The following PYGB variants were observed in gnomAD, a reference collection of about 807,000 sequenced individuals.
The protein encoded by PYGB is glycogen phosphorylase, brain form.
A neutral mutation model predicts 94.3 loss-of-function variants in PYGB; 82 were observed. That is an observed-to-expected ratio of 0.87 (90% confidence interval 0.73 to 1.04). The LOEUF is 1.04. Among genes scored for constraint, PYGB ranks in the 50% least tolerant of loss-of-function variants. The pLI is 0.00. For missense variants in PYGB, 1,132 were observed against 1,158.2 expected (o/e 0.98, Z 0.33); for synonymous variants, 488 against 479.1 (o/e 1.02, Z -0.24).
At chr20:25,283,410 C>G (rs2123579899) in intron 13 of PYGB, 133 bp downstream of exon 13, 1 of 748,036 alleles carries the variant, frequency 1.3e-6, no homozygotes, top group East Asian at 2.7e-5. Context: ...GGACTCAGAA[C>G]AGGACTGAGG....
At chr20:25,280,132 GC>G (rs2088352277) in intron 9 of PYGB, 133 bp from the exon 10 acceptor site, 10 of 1,078,038 alleles carry the variant, frequency 9.3e-6, no homozygotes, top group Middle Eastern at 2.6e-4. Flanking sequence ...ACCTTGGAGA[GC>G]AGAGGGGACG....
Position 25,296,470 on chromosome 20 carries a change from G to T in PYGB, c.2480G>T (p.Gly827Val), listed in dbSNP as rs998451520. ...ACGGAGTATGCACGGGAGATCTGGG[G>T]TGTGGAGCCCTCCGACCTGCAGATC... is the stretch of plus-strand genomic sequence containing the variant. Reference protein sequence around the residue: ...TITEYAREIWGVEPSDLQIPP... With the variant: ...TITEYAREIWVVEPSDLQIPP... The change falls in exon 20 of 20, where the codon GGT becomes GTT. Residue 827 changes from glycine (G) to valine (V), a missense_variant. Gly to Val is a moderately radical substitution (Grantham distance 109). Transcript: ENST00000216962. 6.2e-7 allele frequency: 1 copy of T among 1,613,834 alleles called. No homozygotes were observed. The highest frequency in any genetic ancestry group is 1.3e-5 in the African/African-American group (1 of 74,936).
intron 12 of PYGB, 39 bp downstream of exon 12, chr20:25,282,186 G>A: frequency 6.6e-7 from 1 of 1,524,828 alleles, no homozygotes; most frequent in Non-Finnish European, 9.0e-7. Flanking sequence ...GGAGATGCCT[G>A]GGCTGAGAAC....
chr20:25,290,375 C>T (rs992472197), intron 15 of PYGB, 106 bp from the exon 16 acceptor site: 20 of 1,425,340 alleles, frequency 1.4e-5, no homozygotes, highest in Non-Finnish European at 1.8e-5. Context: ...ACGGCAGGTT[C>T]CTGTGGCTCT....
chr20:25,250,958 G>C (rs988116794), intron 1 of PYGB: 1 of 152,088 alleles, frequency 6.6e-6, no homozygotes, highest in Non-Finnish European at 1.5e-5. Context: ...TGTTTTTTCC[G>C]TATTGGCAGA....
chr20:25,266,530 G>C (rs537969550), intron 2 of PYGB, among the ~76,000 whole-genome samples: 1 of 152,024 alleles, frequency 6.6e-6, no homozygotes, highest in South Asian at 2.1e-4. Flanking sequence ...AGCAACGAAA[G>C]AAAAAATAGA....
At chr20:25,250,885 A>G (rs1485538116) in intron 1 of PYGB, 1 of 152,206 alleles carries the variant, frequency 6.6e-6, no homozygotes, top group Non-Finnish European at 1.5e-5. Context: ...AAAAAAATTA[A>G]CTGTAATCCT....
intron 2 of PYGB, among the ~76,000 whole-genome samples, chr20:25,265,592 ATTTTTT>A (rs34336965): frequency 1.8e-4 from 21 of 119,640 alleles, no homozygotes; most frequent in African/African-American, 6.6e-4. Context: ...TTGTTGTTGA[ATTTTTT>A]TTTTTTTTTT....
rs1232136679 is a variant in PYGB, at chr20:25,297,612, T to C, written c.*1090T>C. On this transcript the variant is annotated 3_prime_UTR_variant, in exon 20 of 20. Coordinates refer to ENST00000216962, the MANE Select transcript of PYGB (RefSeq NM_002862.4). The stretch of plus-strand genomic sequence containing the variant: ...AGGTGGGGGTGAGCCCCTCACAGCC[T>C]TGCCCCTCCCCAAGGCTGGCAACCT... 4 of 152,360 alleles carry C rather than the reference T, an allele frequency of 2.6e-5. No individual in the cohort carries two copies. 9.4% of individuals were successfully genotyped at this position (152,360 alleles called of 1,614,324 possible). A position where few individuals can be genotyped will look rare whatever the true frequency, so the allele number is the denominator to read the frequency against.
At chr20:25,273,850 T>G (rs1448526988) in intron 4 of PYGB, among the ~76,000 whole-genome samples, 1 of 152,172 alleles carries the variant, frequency 6.6e-6, no homozygotes, top group Admixed American at 6.5e-5. Flanking sequence ...TAATTTTAAT[T>G]TAATAATTTT....
chr20:25,250,222 C>T (rs891333056), intron 1 of PYGB, among the ~76,000 whole-genome samples: 1 of 151,492 alleles, frequency 6.6e-6, no homozygotes, highest in Non-Finnish European at 1.5e-5. Context: ...AGGGCATTTC[C>T]TTGGAGCTGG....
chr20:25,294,529 C>T (rs1244256634), intron 18 of PYGB, among the ~76,000 whole-genome samples: 1 of 152,236 alleles, frequency 6.6e-6, no homozygotes, highest in Non-Finnish European at 1.5e-5. Context: ...ACAGTCCAGC[C>T]CCCAGGCCTT....
chr20:25,253,064 C>A (rs8120601), intron 1 of PYGB, among the ~76,000 whole-genome samples: 1 of 152,218 alleles, frequency 6.6e-6, no homozygotes, highest in Non-Finnish European at 1.5e-5. Context: ...TAGGAAATTA[C>A]AAGGGTGTTA....
intron 6 of PYGB, among the ~76,000 whole-genome samples, chr20:25,276,965 C>T (rs373437860): frequency 1.1e-4 from 16 of 152,200 alleles, no homozygotes; most frequent in African/African-American, 2.9e-4. Context: ...ACAGGCAGAG[C>T]GACCAAGACA....
chr20:25,276,911 C>T (rs1198146577), intron 6 of PYGB, among the ~76,000 whole-genome samples, 154 bp downstream of exon 6: 1 of 152,082 alleles, frequency 6.6e-6, no homozygotes, highest in African/African-American at 2.4e-5. Context: ...AAGAGCGAGG[C>T]TGGTGCAGCT....
chr20:25,253,623 T>TAAAATAAAATA (rs1568681767), intron 1 of PYGB, among the ~76,000 whole-genome samples: 10 of 146,212 alleles, frequency 6.8e-5, no homozygotes, highest in African/African-American at 2.6e-4. Context: ...CAACTCTGCC[T>TAAAATAAAATA]AAATAAAATA....
At chr20:25,259,820 T>A (rs2092909760) in intron 2 of PYGB, among the ~76,000 whole-genome samples, 1 of 152,228 alleles carries the variant, frequency 6.6e-6, no homozygotes, top group Non-Finnish European at 1.5e-5. Context: ...TAGCACTTGT[T>A]CACTTTGAAC....
chr20:25,267,947 A>G (rs2088231889), intron 2 of PYGB, among the ~76,000 whole-genome samples: 1 of 152,224 alleles, frequency 6.6e-6, no homozygotes. Context: ...ATCTTTGATT[A>G]TGTTGACTCG....
intron 4 of PYGB, among the ~76,000 whole-genome samples, chr20:25,273,477 G>A (rs2088284297): frequency 6.6e-6 from 1 of 152,192 alleles, no homozygotes; most frequent in Non-Finnish European, 1.5e-5. Flanking sequence ...TAGCATACTA[G>A]GGCTGCCTGT....
Sources: allele counts gnomAD v4.1 joint callset (sites outside exome capture counted in the v4.1 genomes callset), GRCh38; gene constraint gnomAD v4.1.1; transcripts MANE v1.5; gene names NCBI Gene and HGNC (gene_info 2026-07-23, HGNC 2026-07-21).